ACLY: variants seen among roughly 807,000 people sequenced by gnomAD.
ACLY encodes the protein ATP-citrate synthase.
In ACLY, 41 loss-of-function variants were observed where a neutral mutation model predicts 133.0. That is an observed-to-expected ratio of 0.31 (90% confidence interval 0.24 to 0.40). The LOEUF (loss-of-function observed/expected upper bound fraction) is 0.40, where lower values mean the gene tolerates loss of function less well. Among genes scored for constraint, ACLY ranks in the 10% least tolerant of loss-of-function variants. The pLI is 1.00. For missense variants in ACLY, 1,046 were observed against 1,453.8 expected (o/e 0.72, Z 4.56); for synonymous variants, 495 against 549.3 (o/e 0.90, Z 1.38).
intron 1 of ACLY, 103 bp from the exon 2 acceptor site, chr17:41,913,999 C>T (rs2049981133): frequency 6.2e-6 from 7 of 1,124,716 alleles, no homozygotes; most frequent in Admixed American, 2.3e-5. Flanking sequence ...ACAATAAAAC[C>T]AGATCTCAGC....
chr17:41,887,915 G>A (rs782363644), intron 16 of ACLY, among the ~76,000 whole-genome samples: 1 of 151,964 alleles, frequency 6.6e-6, no homozygotes, highest in Non-Finnish European at 1.5e-5. Flanking sequence ...ATCTTCTAAG[G>A]TCAGGAGTTC....
chr17:41,867,976 G>T, intron 28 of ACLY, 72 bp from the exon 29 acceptor site: 1 of 1,116,866 alleles, frequency 9.0e-7, no homozygotes, highest in Non-Finnish European at 1.3e-6. Context: ...CTAAGGAAGG[G>T]AAATCTTTCT....
At chr17:41,917,179 A>G (rs1250228192) in intron 1 of ACLY, among the ~76,000 whole-genome samples, 1 of 151,228 alleles carries the variant, frequency 6.6e-6, no homozygotes, top group Non-Finnish European at 1.5e-5. Flanking sequence ...TAGTGGAATC[A>G]GCAAATACCT....
chr17:41,868,949 A>G (rs1361870650), intron 27 of ACLY, 94 bp downstream of exon 27: 7 of 1,365,878 alleles, frequency 5.1e-6, no homozygotes, highest in South Asian at 1.2e-5. Flanking sequence ...TATTTTTCAA[A>G]TATTCTATTA....
chr17:41,927,433 G>A (rs1289499043), intron 1 of ACLY, among the ~76,000 whole-genome samples: 2 of 152,114 alleles, frequency 1.3e-5, no homozygotes, highest in African/African-American at 2.4e-5. Context: ...TGATCTGCCC[G>A]CCTGGGCCTC....
rs782319132 is a variant in ACLY at position 41,871,825 on chromosome 17, C to T, written c.2801G>A (p.Arg934Gln). 3.1e-6 allele frequency: 5 copies of T among 1,613,782 alleles called. No individual in the cohort carries two copies. The highest frequency in any genetic ancestry group is 2.7e-5 in the African/African-American group (2 of 74,920). The change falls in exon 25 of 29, where the codon CGG becomes CAG. Residue 934 changes from arginine to glutamine, a missense_variant. This residue lies in a region of ACLY where 205 missense variants were observed against 373.3 expected (regional missense o/e 0.55). Transcript: ENST00000352035. ...TGCTGCATCCAAGGCACCCCCAAAC[C>T]GATCCCCCTGGAGGAGAAACAAGTG... The part of the protein sequence containing the change: ...LTSGLLTIGD[R>Q]FGGALDAAAK...
chr17:41,887,561 G>T, intron 17 of ACLY, 38 bp downstream of exon 17: 1 of 1,551,636 alleles, frequency 6.4e-7, no homozygotes, highest in Non-Finnish European at 8.9e-7. Context: ...TCATAAGATA[G>T]CATCGAACGT....
rs1555633846 is a variant in ACLY, at chr17:41,912,558, T to A, written c.160-16A>T. On this transcript the variant is annotated splice_polypyrimidine_tract_variant and intron_variant, in intron 2 of 28. Coordinates refer to ENST00000352035, the MANE Select transcript of ACLY (RefSeq NM_001096.3). ...CTACCAAGTTCTGGAACAAAAGCGG[T>A]TTGTATTTAGAGTGAGGAAGAATTA... The A allele has an allele frequency of 6.2e-7, 1 of 1,613,888 alleles. No individual in the cohort carries two copies. The highest frequency in any genetic ancestry group is 1.7e-5 in the Admixed American group (1 of 59,994).
chr17:41,895,903 A>G (rs1555630227), intron 14 of ACLY, among the ~76,000 whole-genome samples: 1 of 152,146 alleles, frequency 6.6e-6, no homozygotes, highest in Admixed American at 6.5e-5. Flanking sequence ...CCATGAACCA[A>G]TTAATCTACT....
intron 22 of ACLY, among the ~76,000 whole-genome samples, chr17:41,874,570 GCTT>G (rs1303143840): frequency 6.1e-5 from 9 of 148,338 alleles, no homozygotes; most frequent in Non-Finnish European, 1.0e-4. Flanking sequence ...CCAGTCCATT[GCTT>G]CTTTTTTTTT....
chr17:41,907,690 T>C (rs1286404085), intron 6 of ACLY, 118 bp from the exon 7 acceptor site: 2 of 1,147,822 alleles, frequency 1.7e-6, no homozygotes, highest in African/African-American at 3.1e-5. Context: ...CAGAACTCTC[T>C]AAGCTCAGTA....
intron 10 of ACLY, chr17:41,904,480 T>G: frequency 2.0e-6 from 1 of 508,900 alleles, no homozygotes; most frequent in Non-Finnish European, 3.5e-6. Context: ...GAAATTCGCC[T>G]CCCATGCTTC....
chr17:41,883,032 C>A, intron 20 of ACLY, 90 bp downstream of exon 20: 1 of 1,087,894 alleles, frequency 9.2e-7, no homozygotes. Context: ...GAACTAGCTG[C>A]GAATTAATAA....
rs1555634942 is a variant in ACLY at position 41,918,862 on chromosome 17, A to G, written c.-24+18T>C. Reference sequence around the variant, plus strand: ...GGCGAGCGGGCTCCAGCCAGCGAAAACAGCCTCCCGTGCTCACCTCTGCCG... The same window carrying G: ...GGCGAGCGGGCTCCAGCCAGCGAAAGCAGCCTCCCGTGCTCACCTCTGCCG... On this transcript the variant is annotated intron_variant, in intron 1 of 28. Transcript: ENST00000352035. The G allele has an allele frequency of 6.2e-6, 8 of 1,287,094 alleles. No individual in the cohort carries two copies. The highest frequency in any genetic ancestry group is 6.2e-5 in the South Asian group (5 of 80,522). The allele number at this position is 1,287,094 out of a possible 1,614,324, so 79.7% of individuals were successfully genotyped here.
intron 16 of ACLY, among the ~76,000 whole-genome samples, chr17:41,890,316 T>C (rs4796734): frequency 0.72 from 109,922 of 151,622 alleles, 40,463 homozygotes; most frequent in Admixed American, 0.84. Flanking sequence ...ATAATAAATA[T>C]GTAATATTTT....
intron 10 of ACLY, among the ~76,000 whole-genome samples, chr17:41,902,240 T>C (rs1370010369): frequency 6.6e-6 from 1 of 152,206 alleles, no homozygotes; most frequent in Non-Finnish European, 1.5e-5. Context: ...TTGAGACAAA[T>C]TCTCGCTCTG....
Position 41,867,211 on chromosome 17 carries a change from C to G in ACLY, c.*599G>C, listed in dbSNP as rs782210395. 6.6e-6 allele frequency: 1 copy of G among 152,596 alleles called. No individual in the cohort carries two copies. Among genetic ancestry groups the G allele is most frequent in the South Asian group, 2.1e-4 (1 of 4,834 alleles). 9.5% of individuals were successfully genotyped at this position (152,596 alleles called of 1,614,324 possible). On this transcript the variant is annotated 3_prime_UTR_variant, in exon 29 of 29. Transcript: ENST00000352035. ...TGACAATGGCTAAGGATGCAATGGC[C>G]CCATCCCCCTGACATAAACAGACTC...
intron 9 of ACLY, 112 bp from the exon 10 acceptor site, chr17:41,904,902 GC>G: frequency 9.9e-7 from 1 of 1,012,576 alleles, no homozygotes; most frequent in Non-Finnish European, 1.5e-6. Flanking sequence ...TCCCCCATCT[GC>G]CAGGAGGTAC....
Position 41,892,230 on chromosome 17 carries a change from G to T in ACLY, c.1770+49C>A, listed in dbSNP as rs200515280. The T allele has an allele frequency of 1.3e-5, 11 of 852,724 alleles. No homozygotes were observed. The East Asian group carries it at 4.2e-4, about 32-fold the overall frequency. The allele number at this position is 852,724 out of a possible 1,614,324, so 52.8% of individuals were successfully genotyped here. A position where few individuals can be genotyped will look rare whatever the true frequency, so the allele number is the denominator to read the frequency against. On this transcript the variant is annotated intron_variant, in intron 16 of 28. Transcript: ENST00000352035. ...CCCTAGAGCCCAGTGATCTACCTGC[G>T]CATAGTTCATGGTCCCCACCCCCCA...
Sources: allele counts gnomAD v4.1 joint callset (sites outside exome capture counted in the v4.1 genomes callset), GRCh38; gene constraint gnomAD v4.1.1; regional missense constraint gnomAD v4.1.1; transcripts MANE v1.5; gene names NCBI Gene and HGNC (gene_info 2026-07-23, HGNC 2026-07-21).